GPHN: variants seen among roughly 807,000 people sequenced by gnomAD.
The protein encoded by GPHN is gephyrin.
A neutral mutation model predicts 95.5 loss-of-function variants in GPHN; 17 were observed. The observed-to-expected ratio is 0.18, with a 90% CI of 0.12 to 0.27. The LOEUF (loss-of-function observed/expected upper bound fraction) is 0.27. GPHN is among the 10% of genes least tolerant of loss of function. GPHN has a pLI of 1.00. For synonymous variants in GPHN, 320 were observed against 322.5 expected (o/e 0.99, Z 0.08); for missense variants, 660 against 978.1 (o/e 0.67, Z 4.34).
At chr14:67,161,984 ACTT>A (rs2082006191) in intron 19 of GPHN, among the ~76,000 whole-genome samples, 1 of 152,170 alleles carries the variant, frequency 6.6e-6, no homozygotes, top group Admixed American at 6.5e-5. Flanking sequence ...TAACACTCTG[ACTT>A]CAGCCATTGT....
chr14:67,531,595 T>C, the GPHN span, among the ~76,000 whole-genome samples: 2 of 151,864 alleles, frequency 1.3e-5, no homozygotes, highest in African/African-American at 4.8e-5. Context: ...GTGCGTCTCT[T>C]TTCACTATAT....
chr14:67,604,853 C>T, the GPHN span, among the ~76,000 whole-genome samples: 69,007 of 151,858 alleles, frequency 0.45, 15,993 homozygotes, highest in Admixed American at 0.57. Flanking sequence ...CCCAGCAGCA[C>T]GTGTTGAAAA....
chr14:67,205,627 C>T, the GPHN span, among the ~76,000 whole-genome samples: 3 of 152,212 alleles, frequency 2.0e-5, no homozygotes, highest in South Asian at 2.1e-4. Context: ...CAGAGAGTCA[C>T]GTCCAAAAAT....
At chr14:67,154,316 C>T (rs2081455383) in intron 18 of GPHN, among the ~76,000 whole-genome samples, 1 of 152,194 alleles carries the variant, frequency 6.6e-6, no homozygotes, top group African/African-American at 2.4e-5. Context: ...AATGACCTTT[C>T]CTATTCCCCA....
At chr14:66,702,419 A>G (rs1186466512) in intron 2 of GPHN, among the ~76,000 whole-genome samples, 1 of 152,170 alleles carries the variant, frequency 6.6e-6, no homozygotes, top group Non-Finnish European at 1.5e-5. Flanking sequence ...GTCCCTTGAG[A>G]TCAGAGATCC....
At chr14:67,090,260 A>G (rs1019045976) in intron 12 of GPHN, among the ~76,000 whole-genome samples, 2 of 151,988 alleles carry the variant, frequency 1.3e-5, no homozygotes, top group Non-Finnish European at 2.9e-5. Context: ...TTTTAGCTAC[A>G]TTTAGCCATG....
At chr14:66,896,023 A>G (rs1427621939) in intron 5 of GPHN, among the ~76,000 whole-genome samples, 1 of 152,098 alleles carries the variant, frequency 6.6e-6, no homozygotes, top group African/African-American at 2.4e-5. Flanking sequence ...GAATGCTTCA[A>G]AGATGGCCCT....
chr14:67,402,306 A>C, the GPHN span, among the ~76,000 whole-genome samples: 2 of 152,134 alleles, frequency 1.3e-5, no homozygotes, highest in Non-Finnish European at 2.9e-5. Context: ...TGGGTACATA[A>C]TAAGTATATA....
At chr14:67,507,958 G>A in the GPHN span, among the ~76,000 whole-genome samples, 1 of 152,130 alleles carries the variant, frequency 6.6e-6, no homozygotes, top group East Asian at 1.9e-4. Context: ...GACCAACATG[G>A]AGAAACCCTG....
chr14:66,752,296 G>T lies in GPHN; in HGVS notation c.144-24168G>T, dbSNP rs549061527. On this transcript the variant is annotated intron_variant, in intron 2 of 22. Coordinates refer to ENST00000478722, the MANE Select transcript of GPHN (RefSeq NM_020806.5). ...AATTTTTTTCAAAAACTTTCCCTTTGTATGCACTACTTGGCTTTTTGCCAT... is the reference window on the plus strand; with the variant it reads ...AATTTTTTTCAAAAACTTTCCCTTTTTATGCACTACTTGGCTTTTTGCCAT... Among the ~76,000 whole-genome samples the T allele has an allele frequency of 2.0e-5, 3 of 152,044 alleles. No homozygotes were observed. In the East Asian group the frequency reaches 5.8e-4, roughly 29 times the overall value.
chr14:66,714,319 G>A (rs1207346104), intron 2 of GPHN, among the ~76,000 whole-genome samples: 1 of 152,126 alleles, frequency 6.6e-6, no homozygotes, highest in Non-Finnish European at 1.5e-5. Context: ...GTGTGTAGAA[G>A]AGCTACTGAT....
intron 8 of GPHN, 57 bp downstream of exon 8, chr14:66,924,349 C>T: frequency 1.1e-6 from 1 of 916,708 alleles, no homozygotes; most frequent in Non-Finnish European, 1.8e-6. Context: ...TACTTCCTCT[C>T]CTTGGAGATA....
chr14:66,564,068 A>G (rs1184145491), intron 1 of GPHN, among the ~76,000 whole-genome samples: 1 of 152,146 alleles, frequency 6.6e-6, no homozygotes, highest in African/African-American at 2.4e-5. Flanking sequence ...GTTCCCATTC[A>G]TCTTCATACA....
chr14:67,484,841 G>A, the GPHN span, among the ~76,000 whole-genome samples: 1 of 152,130 alleles, frequency 6.6e-6, no homozygotes, highest in South Asian at 2.1e-4. Context: ...TTTCCTATGT[G>A]TGTATTTTAC....
chr14:67,123,143 C>G (rs1231166397), intron 17 of GPHN, among the ~76,000 whole-genome samples: 1 of 152,218 alleles, frequency 6.6e-6, no homozygotes, highest in African/African-American at 2.4e-5. Flanking sequence ...GGCTCAGAGA[C>G]AGATCTGAGT....
At chr14:66,962,987 A>T (rs2069062251) in intron 8 of GPHN, among the ~76,000 whole-genome samples, 1 of 151,944 alleles carries the variant, frequency 6.6e-6, no homozygotes, top group South Asian at 2.1e-4. Context: ...ATACATCCTT[A>T]TCTTAGAGAT....
chr14:67,588,426 G>C, the GPHN span: 18 of 152,438 alleles, frequency 1.2e-4, no homozygotes, highest in African/African-American at 3.6e-4. Context: ...ACTTCTGCTG[G>C]GAATTAGTTT....
chr14:66,784,029 C>G (rs1383163600), intron 3 of GPHN, among the ~76,000 whole-genome samples: 1 of 152,130 alleles, frequency 6.6e-6, no homozygotes, highest in African/African-American at 2.4e-5. Context: ...GAGAAAAAAA[C>G]AGTCTACAGA....
At chr14:66,791,621 G>T (rs2059972401) in intron 3 of GPHN, among the ~76,000 whole-genome samples, 1 of 152,224 alleles carries the variant, frequency 6.6e-6, no homozygotes, top group Non-Finnish European at 1.5e-5. Flanking sequence ...AACTGTCATG[G>T]CATTGGTGGG....
Sources: gnomAD v4.1 joint callset for allele counts (sites outside exome capture counted in the v4.1 genomes callset) on GRCh38, gnomAD v4.1.1 for gene constraint, MANE v1.5 for transcripts, NCBI Gene and HGNC (gene_info 2026-07-23, HGNC 2026-07-21) for gene names.